The following PCDHA3 variants were observed in gnomAD, a reference collection of about 807,000 sequenced individuals.
The protein encoded by PCDHA3 is protocadherin alpha-3.
PCDHA3 carries 41 observed loss-of-function variants against 62.2 expected under a neutral mutation model. The ratio of observed to expected loss-of-function variants is 0.66; its 90% CI spans 0.51 to 0.86. The LOEUF (loss-of-function observed/expected upper bound fraction) is 0.86, where lower values mean the gene tolerates loss of function less well. Ranked by LOEUF, PCDHA3 falls within the 40% of genes least tolerant of loss-of-function variation. The probability of loss-of-function intolerance (pLI) is 0.00; values close to 1 mark genes in which losing one functional copy is unlikely to be tolerated. For synonymous variants in PCDHA3, 640 were observed against 555.4 expected, an observed-to-expected ratio of 1.15 and a Z score of -2.14; for missense variants, 1,304 against 1,241.2, an observed-to-expected ratio of 1.05 and a Z score of -0.76.
intron 1 of PCDHA3, among the ~76,000 whole-genome samples, chr5:140,973,759 C>G (rs1050304490): frequency 2.0e-5 from 3 of 152,250 alleles, no homozygotes; most frequent in Non-Finnish European, 4.4e-5. Flanking sequence ...TGCAGGGACA[C>G]AGCCTGGCAT....
In PCDHA3 at chr5:140,902,185, T is replaced by TTC. The variant is rs370111655; in HGVS notation, c.2395-76750_2395-76749dup. On this transcript the variant is annotated intron_variant, in intron 1 of 3. Transcript: ENST00000522353. ...TTCTAATTTGGATGTCCTTTATGTC[T>TTC]TCTCTCTCTCTCTCTTTCTTTTTTT... Among the ~76,000 whole-genome samples the TTC allele has an allele frequency of 1.5e-3, 225 of 150,894 alleles. 1 individual carries two copies. The highest frequency in any genetic ancestry group is 2.6e-3 in the Admixed American group (40 of 15,130).
intron 1 of PCDHA3, chr5:140,849,764 G>C (rs2041112931): frequency 6.3e-6 from 10 of 1,598,402 alleles, no homozygotes; most frequent in Non-Finnish European, 8.6e-6. Context: ...CCTACGAGCT[G>C]GTGGTTACCG....
chr5:140,912,530 A>C (rs2075961098), intron 1 of PCDHA3, among the ~76,000 whole-genome samples: 2 of 152,178 alleles, frequency 1.3e-5, no homozygotes, highest in East Asian at 1.9e-4. Context: ...TTCAGAGTAC[A>C]TGATCATATT....
At position 140,837,344 on chromosome 5, in the gene PCDHA3, A is replaced by C. The variant is rs138416097; in HGVS notation, c.2394+33753A>C. ...GAAGAATTAATATGAACAATTTAAAATAGTTTAAATGGCAGTTTAATAGTA... is the reference window on the plus strand; with the variant it reads ...GAAGAATTAATATGAACAATTTAAACTAGTTTAAATGGCAGTTTAATAGTA... On this transcript the variant is annotated intron_variant, in intron 1 of 3. Transcript: ENST00000522353. Among the ~76,000 whole-genome samples, 56 of 152,138 alleles carry C rather than the reference A, an allele frequency of 3.7e-4. No individual in the cohort carries two copies. In the East Asian group the frequency reaches 0.01, roughly 28 times the overall value.
intron 1 of PCDHA3, chr5:140,863,488 A>C (rs1554158271): frequency 4.4e-6 from 2 of 451,898 alleles, no homozygotes; most frequent in African/African-American, 2.0e-5. Flanking sequence ...CCCAAGGTCA[A>C]CATTACGGCT....
chr5:140,913,237 C>A (rs2076260841), intron 1 of PCDHA3, among the ~76,000 whole-genome samples: 1 of 152,080 alleles, frequency 6.6e-6, no homozygotes, highest in Non-Finnish European at 1.5e-5. Context: ...TGCTGGGAGA[C>A]TTTTTGTTAC....
chr5:140,848,547 C>G, intron 1 of PCDHA3: 1 of 1,595,512 alleles, frequency 6.3e-7, no homozygotes, highest in Non-Finnish European at 8.6e-7. Flanking sequence ...ACTGCTCTCG[C>G]TTCTGATCCT....
chr5:140,905,011 T>A (rs551000720), intron 1 of PCDHA3, among the ~76,000 whole-genome samples: 44 of 152,296 alleles, frequency 2.9e-4, no homozygotes, highest in African/African-American at 1.0e-3. Context: ...CTTTGCTAAT[T>A]CTTTTCTATG....
intron 1 of PCDHA3, chr5:140,929,324 T>C (rs781810168): frequency 1.2e-5 from 19 of 1,540,130 alleles, no homozygotes; most frequent in Non-Finnish European, 3.5e-6. Context: ...GTCAATGCCA[T>C]GGTAAGCAAA....
intron 1 of PCDHA3, chr5:140,843,825 C>T: frequency 8.4e-7 from 1 of 1,188,044 alleles, no homozygotes; most frequent in Non-Finnish European, 1.2e-6. Flanking sequence ...AAAATTTAAA[C>T]ATTGTTTAGT....
At chr5:140,922,150 T>C (rs999486530) in intron 1 of PCDHA3, among the ~76,000 whole-genome samples, 5 of 151,298 alleles carry the variant, frequency 3.3e-5, no homozygotes, top group African/African-American at 1.2e-4. Flanking sequence ...ATGAAACTCA[T>C]CAAAAACAAC....
intron 1 of PCDHA3, chr5:140,875,698 G>T: frequency 6.2e-7 from 1 of 1,614,084 alleles, no homozygotes; most frequent in Non-Finnish European, 8.5e-7. Flanking sequence ...GGACCTTCTG[G>T]AGGTAAATCT....
chr5:140,849,924 G>A, intron 1 of PCDHA3: 1 of 1,598,310 alleles, frequency 6.3e-7, no homozygotes, highest in East Asian at 2.2e-5. Context: ...CATCTTCACG[G>A]TGTCTGCGCG....
At chr5:140,983,438 C>T (rs1233600670) in intron 3 of PCDHA3, among the ~76,000 whole-genome samples, 2 of 152,224 alleles carry the variant, frequency 1.3e-5, no homozygotes, top group Non-Finnish European at 2.9e-5. Flanking sequence ...ATTGTGTCTA[C>T]TCTAATCCTC....
chr5:140,871,130 A>T, intron 1 of PCDHA3: 1 of 1,613,360 alleles, frequency 6.2e-7, no homozygotes, highest in Non-Finnish European at 8.5e-7. Context: ...CAGGCGCCAA[A>T]GGCCTCTTCC....
intron 3 of PCDHA3, among the ~76,000 whole-genome samples, chr5:141,000,477 G>C (rs1191359491): frequency 1.5e-5 from 2 of 132,058 alleles, no homozygotes; most frequent in African/African-American, 5.8e-5. Context: ...GCCCAAGCTG[G>C]AGTGCAATGG....
At position 140,927,971 on chromosome 5, in the gene PCDHA3, C is replaced by T. The variant is rs868922082; in HGVS notation, c.2395-50978C>T. On this transcript the variant is annotated intron_variant, in intron 1 of 3. Transcript: ENST00000522353. ...GACGCTGCCCCTGGCACAGTGATTGCTCTCTTTAGTGTAAAGGATGAAGAC... is the reference window on the plus strand; with the variant it reads ...GACGCTGCCCCTGGCACAGTGATTGTTCTCTTTAGTGTAAAGGATGAAGAC... 5.0e-6 allele frequency: 8 copies of T among 1,614,224 alleles called. No homozygotes were observed. In the African/African-American group the frequency reaches 9.3e-5, roughly 19 times the overall value.
At chr5:140,975,823 G>A (rs1239122577) in intron 1 of PCDHA3, among the ~76,000 whole-genome samples, 2 of 152,164 alleles carry the variant, frequency 1.3e-5, no homozygotes, top group Non-Finnish European at 2.9e-5. Context: ...AGGAACTGAA[G>A]TGTATTCTTA....
intron 3 of PCDHA3, among the ~76,000 whole-genome samples, chr5:141,008,123 G>A (rs1437358425): frequency 6.6e-6 from 1 of 152,144 alleles, no homozygotes; most frequent in East Asian, 1.9e-4. Context: ...GTTTCAAGAA[G>A]GGGATGACAA....
Sources: allele counts gnomAD v4.1 joint callset (sites outside exome capture counted in the v4.1 genomes callset), GRCh38; gene constraint gnomAD v4.1.1; transcripts MANE v1.5; gene names NCBI Gene and HGNC (gene_info 2026-07-23, HGNC 2026-07-21).